SEMA3F: variants seen among roughly 807,000 people sequenced by gnomAD.
SEMA3F encodes the protein semaphorin 3F.
In SEMA3F, 30 loss-of-function variants were observed where a neutral mutation model predicts 98.5. That is an observed-to-expected ratio of 0.30 (90% CI 0.23 to 0.41). The LOEUF is 0.41. Ranked by LOEUF, SEMA3F falls within the 10% of genes least tolerant of loss-of-function variation. The pLI is 1.00. For missense variants in SEMA3F, 866 were observed against 1,119.3 expected (o/e 0.77, Z 3.23); for synonymous variants, 380 against 444.8 (o/e 0.85, Z 1.83).
Position 50,186,701 on chromosome 3 carries a change from T to C in SEMA3F, c.1902T>C (p.Thr634=). The C allele has an allele frequency of 6.2e-7, 1 of 1,609,828 alleles. No individual in the cohort carries two copies. The highest frequency in any genetic ancestry group is 8.5e-7 in the Non-Finnish European group (1 of 1,176,530). ...GCCAGCCCCGCTCGCCCCAAGCCAC[T>C]GTTAAGTGGCTGTTCCAGCGAGATC... ...LECQPRSPQA[T]VKWLFQRDPG... The change falls in exon 18 of 19, where the codon ACT becomes ACC. Residue 634 remains threonine, a synonymous_variant. Coordinates refer to ENST00000002829, the MANE Select transcript of SEMA3F (RefSeq NM_004186.5).
chr3:50,183,349 G>A, intron 11 of SEMA3F, 71 bp from the exon 12 acceptor site: 1 of 1,605,116 alleles, frequency 6.2e-7, no homozygotes, highest in South Asian at 1.1e-5. Context: ...GAGCTGTGGG[G>A]AGGGGGCAGT....
In SEMA3F at chr3:50,183,670, C is replaced by T. The variant is rs547256991; in HGVS notation, c.1233+106C>T. On this transcript the variant is annotated intron_variant, in intron 12 of 18. Transcript: ENST00000002829. ...CCACCATCATGGCCCTCCCAGCCAG[C>T]GGAGGCGGTGAGCTGTAATGCACAC... The T allele has an allele frequency of 1.7e-4, 218 of 1,259,586 alleles. 1 individual carries two copies. In the Middle Eastern group the frequency reaches 6.2e-3, roughly 36 times the overall value. The allele number at this position is 1,259,586 out of a possible 1,614,324, so 78.0% of individuals were successfully genotyped here.
In SEMA3F at chr3:50,187,787, C is replaced by T. The variant is rs1226899345; in HGVS notation, c.2030C>T (p.Ser677Phe). The T allele has an allele frequency of 1.2e-6, 2 of 1,613,294 alleles. No individual in the cohort carries two copies. Among genetic ancestry groups the T allele is most frequent in the Non-Finnish European group, 1.7e-6 (2 of 1,179,982 alleles). Residue 677 changes from serine to phenylalanine, a missense_variant, in exon 19 of 19, where the codon TCC (serine) becomes TTC (phenylalanine). Transcript: ENST00000002829. Reference sequence around the variant, plus strand: ...CAGCTCAGCGATCGTGGCCTCTACTCCTGCACAGCCACTGAGAACAACTTT... The same window carrying T: ...CAGCTCAGCGATCGTGGCCTCTACTTCTGCACAGCCACTGAGAACAACTTT... ...ALQLSDRGLYSCTATENNFKH... is the reference protein window; with the variant it reads ...ALQLSDRGLYFCTATENNFKH...
At chr3:50,184,296 A>C in intron 12 of SEMA3F, 1 of 458,412 alleles carries the variant, frequency 2.2e-6, no homozygotes, top group East Asian at 4.3e-5. Context: ...GAGAGGAAGG[A>C]GATGACAGGG....
At chr3:50,183,594 C>T (rs111744323) in intron 12 of SEMA3F, 30 bp downstream of exon 12, 29,931 of 1,608,742 alleles carry the variant, frequency 0.019, 574 homozygotes, top group Middle Eastern at 0.085. Context: ...TGCCTCTCCC[C>T]TTTCTCTTCT....
At chr3:50,180,997 G>A (rs1323350225) in intron 7 of SEMA3F, among the ~76,000 whole-genome samples, 1 of 151,810 alleles carries the variant, frequency 6.6e-6, no homozygotes, top group Non-Finnish European at 1.5e-5. Context: ...AGCCTGGGAG[G>A]TGGAGGTTGT....
chr3:50,174,012 A>T, intron 3 of SEMA3F, 40 bp from the exon 4 acceptor site: 1 of 1,614,002 alleles, frequency 6.2e-7, no homozygotes, highest in Non-Finnish European at 8.5e-7. Context: ...GGCTCAGGGC[A>T]TGTCCAGAAG....
At chr3:50,169,204 G>A (rs553646896) in intron 2 of SEMA3F, among the ~76,000 whole-genome samples, 7 of 152,196 alleles carry the variant, frequency 4.6e-5, no homozygotes, top group East Asian at 1.9e-4. Context: ...TGGGGTCTTC[G>A]GGTGAGGGCT....
At chr3:50,184,492 G>A in intron 12 of SEMA3F, 100 bp from the exon 13 acceptor site, 1 of 797,162 alleles carries the variant, frequency 1.3e-6, no homozygotes, top group Non-Finnish European at 2.1e-6. Context: ...AGCAGGTTGA[G>A]GTAGTGGGGA....
At chr3:50,160,031 A>T (rs1156401330) in intron 2 of SEMA3F, among the ~76,000 whole-genome samples, 1 of 152,096 alleles carries the variant, frequency 6.6e-6, no homozygotes, top group Non-Finnish European at 1.5e-5. Context: ...CTGTATGATA[A>T]TTGGAGAGGT....
At position 50,156,064 on chromosome 3, in the gene SEMA3F, G is replaced by A. The variant is rs1050743273; in HGVS notation, c.-49+500G>A. 2.0e-5 allele frequency: 3 copies of A among 152,260 alleles called. No individual in the cohort carries two copies. Among genetic ancestry groups the A allele is most frequent in the Admixed American group, 1.3e-4 (2 of 15,288 alleles). 9.4% of individuals were successfully genotyped at this position (152,260 alleles called of 1,614,324 possible). A position where few individuals can be genotyped will look rare whatever the true frequency, so the allele number is the denominator to read the frequency against. On this transcript the variant is annotated intron_variant, in intron 1 of 18. Coordinates refer to ENST00000002829, the MANE Select transcript of SEMA3F (RefSeq NM_004186.5). The surrounding 1 kb of genome is among the most constrained non-coding windows in gnomAD (Gnocchi z 4.5). ...GGTCTCCCACATCAGCAGAGTGGGA[G>A]GACCTCCAGTCCTGAGGCATTTCTC...
At chr3:50,168,180 G>C (rs1245037718) in intron 2 of SEMA3F, among the ~76,000 whole-genome samples, 2 of 152,092 alleles carry the variant, frequency 1.3e-5, no homozygotes, top group Non-Finnish European at 2.9e-5. Context: ...GGAAGGCCTG[G>C]CTAGAGATGC....
At chr3:50,161,833 C>G (rs1698219734) in intron 2 of SEMA3F, among the ~76,000 whole-genome samples, 1 of 152,210 alleles carries the variant, frequency 6.6e-6, no homozygotes, top group Admixed American at 6.5e-5. Flanking sequence ...CTGTGTATCC[C>G]CCTACACTGG....
chr3:50,162,565 A>C (rs1698248863), intron 2 of SEMA3F, among the ~76,000 whole-genome samples: 1 of 152,174 alleles, frequency 6.6e-6, no homozygotes, highest in Admixed American at 6.5e-5. Context: ...CTGCAGAATC[A>C]CTGCCAAATC....
At chr3:50,183,586 C>T (rs917754086) in intron 12 of SEMA3F, 22 bp downstream of exon 12, 1 of 1,611,014 alleles carries the variant, frequency 6.2e-7, no homozygotes, top group Non-Finnish European at 8.5e-7. Context: ...ACTCATCCTG[C>T]CTCTCCCCTT....
rs1698704757 is a variant in SEMA3F at position 50,173,885 on chromosome 3, A to G, written c.205A>G (p.Met69Val). 1.2e-6 allele frequency: 2 copies of G among 1,614,098 alleles called. No homozygotes were observed. Among genetic ancestry groups the G allele is most frequent in the Non-Finnish European group, 1.7e-6 (2 of 1,179,996 alleles). The stretch of plus-strand genomic sequence containing the variant: ...GCTCAAGGACGAGGACCACGACCGC[A>G]TGTACGTGGGCAGCAAGGACTACGT... ...ILLKDEDHDR[M>V]YVGSKDYVLS... Residue 69 changes from methionine (M) to valine (V), a missense_variant, in exon 3 of 19, where the codon ATG (methionine) becomes GTG (valine). Coordinates refer to ENST00000002829, the MANE Select transcript of SEMA3F (RefSeq NM_004186.5).
At chr3:50,174,377 G>A (rs1698728080) in intron 5 of SEMA3F, 27 bp downstream of exon 5, 5 of 1,593,878 alleles carry the variant, frequency 3.1e-6, no homozygotes, top group Non-Finnish European at 3.4e-6. Flanking sequence ...CTGGCCCTGT[G>A]CTGCCCCCGC....
intron 12 of SEMA3F, among the ~76,000 whole-genome samples, chr3:50,183,903 G>A (rs1470496709): frequency 6.6e-6 from 1 of 152,094 alleles, no homozygotes; most frequent in African/African-American, 2.4e-5. Context: ...GAGGCAAAGA[G>A]CTGGGGAGGG....
Position 50,187,881 on chromosome 3 carries a change from A to G in SEMA3F, c.2124A>G (p.Pro708=), listed in dbSNP as rs771390668. Residue 708 remains proline, a synonymous_variant, in exon 19 of 19, where the codon CCA becomes CCG. Transcript: ENST00000002829. ...GRDAVHAALF[P]PLSMSAPPPP... ...ACGCCGTCCATGCTGCCCTCTTCCC[A>G]CCACTGTCCATGAGCGCCCCGCCAC... 2 of 1,611,586 alleles carry G rather than the reference A, an allele frequency of 1.2e-6. No individual in the cohort carries two copies. Among genetic ancestry groups the G allele is most frequent in the South Asian group, 2.2e-5 (2 of 91,010 alleles).
Sources: allele counts gnomAD v4.1 joint callset (sites outside exome capture counted in the v4.1 genomes callset), GRCh38; gene constraint gnomAD v4.1.1; non-coding constraint Gnocchi (gnomAD v3.1); transcripts MANE v1.5; gene names NCBI Gene and HGNC (gene_info 2026-07-23, HGNC 2026-07-21).